ODAD2: variants seen among roughly 807,000 people sequenced by gnomAD.
ODAD2 encodes outer dynein arm-docking complex subunit 2.
ODAD2 carries 89 observed loss-of-function variants against 106.8 expected under a neutral mutation model. That is an observed-to-expected ratio of 0.83 (90% confidence interval 0.70 to 0.99). The LOEUF (loss-of-function observed/expected upper bound fraction) is 0.99, where lower values mean the gene tolerates loss of function less well. ODAD2 is among the 50% of genes least tolerant of loss of function. ODAD2 has a pLI of 0.00. For missense variants in ODAD2, 1,168 were observed against 1,238.5 expected, an observed-to-expected ratio of 0.94 and a Z score of 0.85; for synonymous variants, 404 against 436.2, an observed-to-expected ratio of 0.93 and a Z score of 0.92.
intron 17 of ODAD2, chr10:27,904,389 T>C: frequency 5.6e-6 from 1 of 178,166 alleles, no homozygotes; most frequent in East Asian, 1.6e-4. Context: ...GGCATGAGAA[T>C]TGCTTAAGCC....
chr10:27,857,329 T>C (rs906317203), intron 19 of ODAD2, among the ~76,000 whole-genome samples: 4 of 152,234 alleles, frequency 2.6e-5, no homozygotes, highest in Admixed American at 2.6e-4. Context: ...ACATATAACA[T>C]ACGAAATATG....
At chr10:27,940,205 A>T (rs1375616393) in intron 13 of ODAD2, among the ~76,000 whole-genome samples, 198 bp from the exon 14 acceptor site, 1 of 151,884 alleles carries the variant, frequency 6.6e-6, no homozygotes, top group Non-Finnish European at 1.5e-5. Context: ...ATATATATAT[A>T]GTGTATAGAT....
Position 27,944,414 on chromosome 10 carries a change from T to C in ODAD2, c.1551A>G (p.Ile517Met), listed in dbSNP as rs767636563. 16 of 1,613,676 alleles carry C rather than the reference T, an allele frequency of 9.9e-6. No individual in the cohort carries two copies. The Middle Eastern group carries it at 4.9e-4, about 50-fold the overall frequency. The stretch of plus-strand genomic sequence containing the variant: ...GAGGATTATGACTGATTTCCTTCAG[T>C]ATTTTTAATGAACCAATCTGTGTGA... ...EVKCKIGSLK[I>M]LKEISHNPQI... The change falls in exon 12 of 20, where the codon ATA becomes ATG. Residue 517 changes from isoleucine (I) to methionine (M), a missense_variant. By Grantham distance (10) the Ile-to-Met change is conservative. Coordinates refer to ENST00000305242, the MANE Select transcript of ODAD2 (RefSeq NM_018076.5).
chr10:27,943,935 T>C (rs1318567775), intron 12 of ODAD2, among the ~76,000 whole-genome samples: 1 of 151,900 alleles, frequency 6.6e-6, no homozygotes. Context: ...CTCCCATGCA[T>C]GTATACTTGG....
chr10:27,886,690 G>T (rs1842242073), intron 17 of ODAD2, among the ~76,000 whole-genome samples: 1 of 151,944 alleles, frequency 6.6e-6, no homozygotes, highest in Non-Finnish European at 1.5e-5. Flanking sequence ...TAAAAATTAT[G>T]CATGTCAATG....
intron 14 of ODAD2, among the ~76,000 whole-genome samples, chr10:27,938,138 C>T (rs893814798): frequency 1.3e-5 from 2 of 152,056 alleles, no homozygotes; most frequent in Admixed American, 1.3e-4. Flanking sequence ...GGGGTTTCAC[C>T]ACGTTGGCCA....
chr10:27,965,578 G>A (rs1848439857), intron 9 of ODAD2, among the ~76,000 whole-genome samples: 1 of 152,156 alleles, frequency 6.6e-6, no homozygotes. Context: ...TTAGAGTAGT[G>A]TCCATGGGTA....
intron 16 of ODAD2, among the ~76,000 whole-genome samples, chr10:27,921,825 A>G (rs113984561): frequency 6.8e-6 from 1 of 147,492 alleles, no homozygotes; most frequent in Non-Finnish European, 1.5e-5. Context: ...AAGGCAATAG[A>G]GCAGTATTTT....
intron 17 of ODAD2, among the ~76,000 whole-genome samples, chr10:27,890,790 T>C (rs1842508044): frequency 6.6e-6 from 1 of 151,698 alleles, no homozygotes; most frequent in Admixed American, 6.6e-5. Flanking sequence ...AAAAAACTTG[T>C]ATTATCATTC....
At chr10:27,933,277 A>T (rs1226793436) in intron 16 of ODAD2, among the ~76,000 whole-genome samples, 5 of 152,122 alleles carry the variant, frequency 3.3e-5, no homozygotes, top group Non-Finnish European at 7.4e-5. Context: ...AAAACAAATA[A>T]GAATGTAACT....
chr10:27,913,202 G>T (rs1044258411), intron 16 of ODAD2, among the ~76,000 whole-genome samples: 9 of 152,142 alleles, frequency 5.9e-5, no homozygotes, highest in Admixed American at 2.6e-4. Flanking sequence ...TGTCGCGGGG[G>T]TTTGGTGTAC....
At chr10:27,989,107 A>G (rs955147573) in intron 2 of ODAD2, among the ~76,000 whole-genome samples, 1 of 151,970 alleles carries the variant, frequency 6.6e-6, no homozygotes. Flanking sequence ...AAGGAATGCA[A>G]CCCTGCCGAT....
chr10:27,980,472 T>C (rs2133087879), intron 7 of ODAD2, among the ~76,000 whole-genome samples: 2 of 152,024 alleles, frequency 1.3e-5, no homozygotes, highest in African/African-American at 4.8e-5. Flanking sequence ...ATACAAAAAC[T>C]ACAACAACAA....
intron 17 of ODAD2, chr10:27,905,105 A>T (rs1381415711): frequency 4.7e-6 from 1 of 212,316 alleles, no homozygotes; most frequent in African/African-American, 2.3e-5. Flanking sequence ...ATATGAGGAC[A>T]TGCAAGCATT....
At chr10:27,842,293 T>C (rs982248943) in intron 19 of ODAD2, among the ~76,000 whole-genome samples, 8 of 152,336 alleles carry the variant, frequency 5.3e-5, no homozygotes, top group African/African-American at 1.9e-4. Context: ...GGATGGTGAA[T>C]AGAAGGACAG....
chr10:27,952,188 A>G (rs1319408679), intron 10 of ODAD2, among the ~76,000 whole-genome samples: 1 of 151,936 alleles, frequency 6.6e-6, no homozygotes, highest in Non-Finnish European at 1.5e-5. Context: ...ACCACACAGA[A>G]AAATAGGCAA....
chr10:27,915,471 T>A (rs540779327), intron 16 of ODAD2, among the ~76,000 whole-genome samples: 2 of 152,160 alleles, frequency 1.3e-5, no homozygotes, highest in Non-Finnish European at 2.9e-5. Flanking sequence ...ATTTCATTTA[T>A]GAGGCCTCTA....
chr10:27,852,074 C>T (rs1218290394), intron 19 of ODAD2, among the ~76,000 whole-genome samples: 1 of 152,040 alleles, frequency 6.6e-6, no homozygotes, highest in Non-Finnish European at 1.5e-5. Context: ...CTATACCCAG[C>T]AAAAATATTT....
intron 7 of ODAD2, among the ~76,000 whole-genome samples, chr10:27,979,247 A>G (rs1849388235): frequency 6.6e-6 from 1 of 151,812 alleles, no homozygotes; most frequent in Admixed American, 6.6e-5. Flanking sequence ...AAAAAAAAAA[A>G]AAAGATCAGG....
Sources: gnomAD v4.1 joint callset for allele counts (sites outside exome capture counted in the v4.1 genomes callset) on GRCh38, gnomAD v4.1.1 for gene constraint, MANE v1.5 for transcripts, NCBI Gene and HGNC (gene_info 2026-07-23, HGNC 2026-07-21) for gene names.